Variants in MECOM observed in about 807,000 individuals in gnomAD.
MECOM encodes the protein histone-lysine N-methyltransferase MECOM.
A neutral mutation model predicts 116.3 loss-of-function variants in MECOM; 13 were observed. The ratio of observed to expected loss-of-function variants is 0.11; its 90% CI spans 0.07 to 0.18. The LOEUF is 0.18. Ranked by LOEUF, MECOM falls within the 10% of genes least tolerant of loss-of-function variation. The pLI, the probability that MECOM is intolerant of heterozygous loss-of-function variation, is 1.00. For synonymous variants in MECOM, 528 were observed against 535.2 expected, an observed-to-expected ratio of 0.99 and a Z score of 0.19; for missense variants, 1,299 against 1,509.0, an observed-to-expected ratio of 0.86 and a Z score of 2.31.
intron 1 of MECOM, among the ~76,000 whole-genome samples, chr3:169,485,915 GTATA>G (rs1467831461): frequency 2.2e-5 from 1 of 45,628 alleles, no homozygotes; most frequent in Non-Finnish European, 4.1e-5. Context: ...ATATATGTAT[GTATA>G]TATAGTATAT....
chr3:169,567,323 G>A (rs1382836822), intron 1 of MECOM, among the ~76,000 whole-genome samples: 2 of 152,168 alleles, frequency 1.3e-5, no homozygotes, highest in Admixed American at 6.5e-5. Flanking sequence ...CCAAAATTTA[G>A]AGAACTATCT....
intron 1 of MECOM, among the ~76,000 whole-genome samples, chr3:169,484,933 C>G (rs1045636171): frequency 2.0e-5 from 3 of 152,106 alleles, no homozygotes; most frequent in Non-Finnish European, 4.4e-5. Flanking sequence ...TGCCTATTAA[C>G]GGGGCTTCAA....
At chr3:169,480,896 C>T (rs539878984) in intron 1 of MECOM, among the ~76,000 whole-genome samples, 18 of 151,204 alleles carry the variant, frequency 1.2e-4, no homozygotes, top group African/African-American at 3.9e-4. Context: ...GTTCTTGGGG[C>T]GGGGGGGCTT....
Position 169,131,433 on chromosome 3 carries a change from G to A in MECOM, c.609C>T (p.Ile203=), listed in dbSNP as rs759913879. 3 of 1,613,794 alleles carry A rather than the reference G, an allele frequency of 1.9e-6. No homozygotes were observed. Among genetic ancestry groups the A allele is most frequent in the Non-Finnish European group, 2.5e-6 (3 of 1,179,764 alleles). The change falls in exon 4 of 17, where the codon ATC becomes ATT. Residue 203 remains isoleucine (I), a synonymous_variant. Transcript: ENST00000651503. ...GGTGGCGTGAGTGGTACTAACCGTG[G>A]ATATCCGGCGCCATAGTTTCATGGG... ...DYPHETMAPD[I]HEERQYRCED...
chr3:169,112,161 A>C (rs1727621491), intron 9 of MECOM, among the ~76,000 whole-genome samples: 1 of 152,156 alleles, frequency 6.6e-6, no homozygotes, highest in South Asian at 2.1e-4. Context: ...TAAATGTATA[A>C]GGACTTTAGG....
chr3:169,450,214 A>G (rs1745323316), intron 1 of MECOM, among the ~76,000 whole-genome samples: 1 of 152,184 alleles, frequency 6.6e-6, no homozygotes, highest in Non-Finnish European at 1.5e-5. Context: ...TGCTCAAGAC[A>G]CTAACGTAAA....
chr3:169,508,447 T>A (rs910367692), intron 1 of MECOM, among the ~76,000 whole-genome samples: 3 of 151,866 alleles, frequency 2.0e-5, no homozygotes, highest in African/African-American at 7.3e-5. Context: ...TTCTAAAGTT[T>A]AAGCTTCTGA....
At position 169,320,392 on chromosome 3, in the gene MECOM, A is replaced by C. The variant is rs149092866; in HGVS notation, c.375+60795T>G. ...ACAAAGTGATGTTGAAGACATACAG[A>C]GAGAAAGAAAAATTGATGACGTAAG... is the stretch of plus-strand genomic sequence containing the variant. On this transcript the variant is annotated intron_variant, in intron 2 of 16. Transcript: ENST00000651503. 4.0e-3 allele frequency among the ~76,000 whole-genome samples: 610 copies of C among 152,310 alleles called. 3 individuals are homozygous for C. The highest frequency in any genetic ancestry group is 0.014 in the African/African-American group (584 of 41,560).
chr3:169,434,078 AAATTTAGTTTATTTAGATAATG>A (rs1742224204), intron 1 of MECOM, among the ~76,000 whole-genome samples: 1 of 152,212 alleles, frequency 6.6e-6, no homozygotes, highest in Admixed American at 6.5e-5. Context: ...AATATTTTTC[AAATTTAGTTTATTTAGATAATG>A]AATACCACAT....
chr3:169,510,812 G>A (rs1755873348), intron 1 of MECOM, among the ~76,000 whole-genome samples: 1 of 152,170 alleles, frequency 6.6e-6, no homozygotes, highest in African/African-American at 2.4e-5. Context: ...AAATGCTGTG[G>A]CAGGGAGAGG....
intron 2 of MECOM, among the ~76,000 whole-genome samples, chr3:169,374,400 C>A (rs115285046): frequency 0.014 from 2,150 of 152,006 alleles, 50 homozygotes; most frequent in African/African-American, 0.048. Context: ...CTGCTTATTT[C>A]ATTTAATGGC....
At chr3:169,200,202 T>A (rs1237280549) in intron 2 of MECOM, among the ~76,000 whole-genome samples, 3 of 152,046 alleles carry the variant, frequency 2.0e-5, no homozygotes. Flanking sequence ...TCAAAGCTAT[T>A]CTTTGGTTCC....
chr3:169,343,716 T>C (rs888864398), intron 2 of MECOM, among the ~76,000 whole-genome samples: 1 of 152,162 alleles, frequency 6.6e-6, no homozygotes, highest in Admixed American at 6.6e-5. Flanking sequence ...TAAATTTACT[T>C]CTCCATATGT....
At chr3:169,279,670 A>G (rs3898488) in intron 2 of MECOM, among the ~76,000 whole-genome samples, 7,199 of 152,272 alleles carry the variant, frequency 0.047, 581 homozygotes, top group African/African-American at 0.16. Context: ...GCATAATCAA[A>G]TCTATTGCTA....
rs114156280 is a variant in MECOM, at chr3:169,200,484, G to A, written c.376-56652C>T. 4.1e-3 allele frequency among the ~76,000 whole-genome samples: 630 copies of A among 152,074 alleles called. 3 individuals carry two copies. Among genetic ancestry groups the A allele is most frequent in the African/African-American group, 0.015 (609 of 41,498 alleles). On this transcript the variant is annotated intron_variant, in intron 2 of 16. Coordinates refer to ENST00000651503, the MANE Select transcript of MECOM (RefSeq NM_004991.4). Reference sequence around the variant, plus strand: ...AGGTTTGTCTAAAAAAAATTCAAAAGGGAATTAAGAAAACCATGGGAAACT... The same window carrying A: ...AGGTTTGTCTAAAAAAAATTCAAAAAGGAATTAAGAAAACCATGGGAAACT...
intron 1 of MECOM, among the ~76,000 whole-genome samples, chr3:169,427,836 G>A (rs760803702): frequency 2.0e-5 from 3 of 152,180 alleles, no homozygotes; most frequent in Non-Finnish European, 4.4e-5. Flanking sequence ...GAAGTGGTGA[G>A]TTCAATTGTG....
At chr3:169,420,706 C>G (rs923407021) in intron 1 of MECOM, among the ~76,000 whole-genome samples, 5 of 152,008 alleles carry the variant, frequency 3.3e-5, no homozygotes, top group African/African-American at 9.7e-5. Context: ...TTTTTACTTT[C>G]AATTTCTCTC....
chr3:169,199,673 C>G (rs947508563), intron 2 of MECOM, among the ~76,000 whole-genome samples: 15 of 152,062 alleles, frequency 9.9e-5, no homozygotes, highest in Admixed American at 3.3e-4. Context: ...AACACCATAA[C>G]TACACCCATT....
At chr3:169,176,606 A>C (rs1208535953) in intron 2 of MECOM, among the ~76,000 whole-genome samples, 4 of 152,180 alleles carry the variant, frequency 2.6e-5, no homozygotes, top group Admixed American at 6.5e-5. Context: ...AAAAACCCAA[A>C]AGTGACAAAT....
Sources: gnomAD v4.1 joint callset for allele counts (sites outside exome capture counted in the v4.1 genomes callset) on GRCh38, gnomAD v4.1.1 for gene constraint, MANE v1.5 for transcripts, NCBI Gene and HGNC (gene_info 2026-07-23, HGNC 2026-07-21) for gene names.